The following IMPG1 variants were observed in gnomAD, a reference collection of about 807,000 sequenced individuals.
IMPG1 encodes interphotoreceptor matrix proteoglycan 1.
Under a neutral mutation model 92.0 loss-of-function variants are expected in IMPG1, and 85 were observed. The observed-to-expected ratio is 0.92, with a 90% CI of 0.78 to 1.11. The LOEUF is 1.11. Among genes scored for constraint, IMPG1 ranks in the 50% least tolerant of loss-of-function variants. The pLI is 0.00. For synonymous variants in IMPG1, 367 were observed against 334.1 expected (o/e 1.10, Z -1.08); for missense variants, 1,022 against 956.0 (o/e 1.07, Z -0.91).
chr6:76,050,311 C>T (rs571257150), intron 1 of IMPG1, among the ~76,000 whole-genome samples: 13 of 152,110 alleles, frequency 8.5e-5, no homozygotes, highest in African/African-American at 2.2e-4. Flanking sequence ...GACACAGTGG[C>T]GCACCCCTGT....
At chr6:76,068,616 A>C (rs1784351904) in intron 1 of IMPG1, among the ~76,000 whole-genome samples, 1 of 147,818 alleles carries the variant, frequency 6.8e-6, no homozygotes, top group African/African-American at 2.5e-5. Context: ...TGTTGAGTTC[A>C]AGTGATTTTC....
intron 5 of IMPG1, among the ~76,000 whole-genome samples, chr6:76,022,780 T>A (rs1193263171): frequency 1.3e-5 from 2 of 152,204 alleles, no homozygotes; most frequent in Admixed American, 6.5e-5. Context: ...TGGGTTCTAT[T>A]CAAGCAAAGA....
chr6:75,957,964 A>T (rs1267018599), intron 12 of IMPG1, among the ~76,000 whole-genome samples: 1 of 152,042 alleles, frequency 6.6e-6, no homozygotes, highest in Admixed American at 6.6e-5. Flanking sequence ...TTAGCTGGTT[A>T]TTTTGCCCGT....
At chr6:76,014,402 G>A (rs1011498235) in intron 7 of IMPG1, among the ~76,000 whole-genome samples, 3 of 152,128 alleles carry the variant, frequency 2.0e-5, no homozygotes, top group African/African-American at 7.2e-5. Context: ...CCTGGGGAGC[G>A]AGTTTCTGTG....
At chr6:76,010,277 C>T (rs939303556) in intron 8 of IMPG1, among the ~76,000 whole-genome samples, 1 of 152,168 alleles carries the variant, frequency 6.6e-6, no homozygotes, top group African/African-American at 2.4e-5. Flanking sequence ...GCCCACGCTC[C>T]CTGGTTTACA....
At chr6:75,986,179 G>A (rs1221531732) in intron 12 of IMPG1, among the ~76,000 whole-genome samples, 1 of 151,992 alleles carries the variant, frequency 6.6e-6, no homozygotes, top group African/African-American at 2.4e-5. Flanking sequence ...ATTATCTTGA[G>A]TCCTGAGGTT....
At chr6:75,991,814 G>A (rs2149473382) in intron 12 of IMPG1, among the ~76,000 whole-genome samples, 1 of 152,272 alleles carries the variant, frequency 6.6e-6, no homozygotes, top group Middle Eastern at 3.4e-3. Context: ...TTGTTGAATT[G>A]TGACTTGATT....
intron 2 of IMPG1, among the ~76,000 whole-genome samples, chr6:76,037,864 T>C (rs888661270): frequency 1.3e-5 from 2 of 152,322 alleles, no homozygotes; most frequent in African/African-American, 4.8e-5. Flanking sequence ...GGGGAAGATA[T>C]TATGTGACAA....
In IMPG1 at chr6:76,042,025, T is replaced by C. The variant is rs748112840; in HGVS notation, c.169A>G (p.Met57Val). ...STEKMYKMSTMRRIFDLAKHR... is the reference protein window; with the variant it reads ...STEKMYKMSTVRRIFDLAKHR... ...TTTGCCAAATCGAATATTCGTCTCA[T>C]AGTTGACATTTTGTACATTTTTTCA... The change falls in exon 2 of 17, where the codon ATG (methionine) becomes GTG (valine). Residue 57 changes from methionine to valine, a missense_variant. By Grantham distance (21) the Met-to-Val change is conservative (BLOSUM62 1). This residue lies in a region of IMPG1 where 681 missense variants were observed against 583.6 expected (regional missense o/e 1.17). Coordinates refer to ENST00000369950, the MANE Select transcript of IMPG1 (RefSeq NM_001563.4). The C allele has an allele frequency of 4.3e-5, 69 of 1,612,768 alleles. No individual in the cohort carries two copies. The highest frequency in any genetic ancestry group is 5.5e-5 in the Non-Finnish European group (65 of 1,178,846).
intron 12 of IMPG1, among the ~76,000 whole-genome samples, chr6:75,952,248 C>T (rs923443499): frequency 1.3e-5 from 2 of 152,142 alleles, no homozygotes; most frequent in Non-Finnish European, 2.9e-5. Context: ...GTGATTTCTT[C>T]AGTGGCCTTT....
intron 1 of IMPG1, among the ~76,000 whole-genome samples, chr6:76,043,238 C>T (rs1254379448): frequency 5.9e-5 from 9 of 151,976 alleles, no homozygotes; most frequent in Admixed American, 5.9e-4. Flanking sequence ...GTTGGGACCT[C>T]TTACTATGGC....
intron 12 of IMPG1, among the ~76,000 whole-genome samples, chr6:75,958,366 G>A (rs551976836): frequency 7.2e-5 from 11 of 152,098 alleles, no homozygotes; most frequent in Admixed American, 3.9e-4. Flanking sequence ...ATGTGTCTTG[G>A]GGTTGCTTTT....
intron 12 of IMPG1, among the ~76,000 whole-genome samples, chr6:75,965,366 T>C (rs1582071229): frequency 2.0e-5 from 1 of 50,068 alleles, no homozygotes; most frequent in Non-Finnish European, 3.3e-5. Context: ...TTGTTGTTAC[T>C]TTTTTTTTTT....
intron 1 of IMPG1, among the ~76,000 whole-genome samples, chr6:76,054,111 G>T (rs1172859429): frequency 6.6e-6 from 1 of 152,136 alleles, no homozygotes; most frequent in African/African-American, 2.4e-5. Context: ...ATTTCTATTT[G>T]CTCTGGTTTG....
At chr6:75,976,769 G>A (rs537739635) in intron 12 of IMPG1, among the ~76,000 whole-genome samples, 19 of 151,830 alleles carry the variant, frequency 1.3e-4, no homozygotes, top group South Asian at 2.1e-4. Context: ...AGAACTAGCC[G>A]GGCGTGGTGG....
chr6:76,072,423 T>C lies in IMPG1; in HGVS notation c.66A>G (p.Lys22=), dbSNP rs764037221. 3 of 1,519,684 alleles carry C rather than the reference T, an allele frequency of 2.0e-6. No individual in the cohort carries two copies. Among genetic ancestry groups the C allele is most frequent in the Non-Finnish European group, 2.7e-6 (3 of 1,099,416 alleles). 94.1% of individuals were successfully genotyped at this position (1,519,684 alleles called of 1,614,324 possible). Residue 22 remains lysine (K), a splice_region_variant and synonymous_variant, in exon 1 of 17, where the codon AAA becomes AAG. Transcript: ENST00000369950. ...FWIFLQVQGT[K]DISINIYHSE... Reference sequence around the variant, plus strand: ...AAAGTAAACATTTAAGTAACTTACCTTTGGTTCCTTGAACTTGGAGAAAAA... The same window carrying C: ...AAAGTAAACATTTAAGTAACTTACCCTTGGTTCCTTGAACTTGGAGAAAAA...
At chr6:76,032,406 T>A (rs1055811954) in intron 4 of IMPG1, among the ~76,000 whole-genome samples, 2 of 152,240 alleles carry the variant, frequency 1.3e-5, no homozygotes, top group Non-Finnish European at 2.9e-5. Flanking sequence ...AATACTCTAG[T>A]ACTAAGATTT....
At position 75,981,466 on chromosome 6, in the gene IMPG1, C is replaced by G. The variant is rs141576822; in HGVS notation, c.1291+21452G>C. On this transcript the variant is annotated intron_variant, in intron 12 of 16. Coordinates refer to ENST00000369950, the MANE Select transcript of IMPG1 (RefSeq NM_001563.4). ...ATAAATGACTTTTTCTGCTGTATAG[C>G]TGAAGAACTTGTTAAAAAGCAAATA... Among the ~76,000 whole-genome samples the G allele has an allele frequency of 1.4e-3, 219 of 152,290 alleles. 3 individuals are homozygous for G. The highest frequency in any genetic ancestry group is 2.6e-4 in the Non-Finnish European group (18 of 68,026).
At chr6:75,939,006 T>C (rs981591792) in intron 14 of IMPG1, among the ~76,000 whole-genome samples, 7 of 152,158 alleles carry the variant, frequency 4.6e-5, no homozygotes, top group Non-Finnish European at 1.5e-5. Context: ...CAGCTAACTT[T>C]TGCTTTGTGT....
Sources: allele counts gnomAD v4.1 joint callset (sites outside exome capture counted in the v4.1 genomes callset), GRCh38; gene constraint gnomAD v4.1.1; regional missense constraint gnomAD v4.1.1; transcripts MANE v1.5; gene names NCBI Gene and HGNC (gene_info 2026-07-23, HGNC 2026-07-21).